The following TRIM5 variants were observed in gnomAD, a reference collection of about 807,000 sequenced individuals.
TRIM5 encodes the protein tripartite motif-containing protein 5.
A neutral mutation model predicts 35.6 loss-of-function variants in TRIM5; 31 were observed. The observed-to-expected ratio is 0.87, with a 90% confidence interval of 0.65 to 1.18. The LOEUF is 1.18. Among genes scored for constraint, TRIM5 ranks in the 50% most tolerant of loss-of-function variants. The pLI, the probability that TRIM5 is intolerant of heterozygous loss-of-function variation, is 0.00. For synonymous variants in TRIM5, 243 were observed against 215.6 expected (o/e 1.13, Z -1.11); for missense variants, 609 against 591.6 (o/e 1.03, Z -0.31).
chr11:5,615,624 C>CG, the TRIM5 span, among the ~76,000 whole-genome samples: 1 of 149,584 alleles, frequency 6.7e-6, no homozygotes, highest in African/African-American at 2.5e-5. Flanking sequence ...GATGGAGTCT[C>CG]GTTCTGTCAT....
rs144528596 is a variant in TRIM5 at position 5,665,640 on chromosome 11, T to A, written c.895+16A>T. ...TAAGCCGCAGGGTGGCTTATGATAA[T>A]GTGACTTCTCCTTACCCCAGTAGCG... On this transcript the variant is annotated intron_variant, in intron 7 of 7. Coordinates refer to ENST00000380034, the MANE Select transcript of TRIM5 (RefSeq NM_033034.3). 5.3e-4 allele frequency: 822 copies of A among 1,563,128 alleles called. 10 individuals are homozygous for A. The East Asian group carries it at 0.016, about 30-fold the overall frequency.
At chr11:5,636,542 A>C in the TRIM5 span, among the ~76,000 whole-genome samples, 1 of 152,198 alleles carries the variant, frequency 6.6e-6, no homozygotes, top group Non-Finnish European at 1.5e-5. Context: ...TAAAAACAAA[A>C]ACAAAAAGGT....
chr11:5,654,259 C>T, the TRIM5 span, among the ~76,000 whole-genome samples: 1 of 152,078 alleles, frequency 6.6e-6, no homozygotes, highest in African/African-American at 2.4e-5. Flanking sequence ...TTGATATCTA[C>T]ACATCTGGTT....
At chr11:5,600,067 A>C in the TRIM5 span, among the ~76,000 whole-genome samples, 1 of 152,198 alleles carries the variant, frequency 6.6e-6, no homozygotes, top group Admixed American at 6.5e-5. Flanking sequence ...ATGATAGGTA[A>C]ATACGTCTGT....
At chr11:5,680,942 A>G (rs530741642) in intron 1 of TRIM5, among the ~76,000 whole-genome samples, 59 of 152,312 alleles carry the variant, frequency 3.9e-4, no homozygotes, top group African/African-American at 1.3e-3. Flanking sequence ...TTGGTTAATC[A>G]ATGACAAATG....
the TRIM5 span, among the ~76,000 whole-genome samples, chr11:5,615,393 A>T: frequency 6.6e-6 from 1 of 151,988 alleles, no homozygotes; most frequent in South Asian, 2.1e-4. Flanking sequence ...ATTCTATGAG[A>T]TTTTGCTTTC....
the TRIM5 span, among the ~76,000 whole-genome samples, chr11:5,651,384 T>G: frequency 1.3e-5 from 2 of 152,178 alleles, no homozygotes; most frequent in African/African-American, 4.8e-5. Context: ...GTTTTTCAAT[T>G]CTTACCCTCC....
chr11:5,635,199 TG>T, the TRIM5 span, among the ~76,000 whole-genome samples: 3 of 151,284 alleles, frequency 2.0e-5, no homozygotes, highest in South Asian at 2.1e-4. Context: ...ATTTAAGAAA[TG>T]TGTTCTATTT....
the TRIM5 span, chr11:5,645,991 A>T: frequency 6.6e-6 from 1 of 151,704 alleles, no homozygotes; most frequent in African/African-American, 2.5e-5. Context: ...CATATGTGTA[A>T]TTTATAATTA....
chr11:5,642,518 C>A, the TRIM5 span: 2 of 1,612,366 alleles, frequency 1.2e-6, no homozygotes, highest in Non-Finnish European at 1.7e-6. Context: ...TGAGGAGAAG[C>A]AGACAAAGAC....
chr11:5,683,232 C>T (rs1852666875), intron 1 of TRIM5, among the ~76,000 whole-genome samples: 1 of 152,192 alleles, frequency 6.6e-6, no homozygotes, highest in Admixed American at 6.5e-5. Flanking sequence ...TGACGAGCAC[C>T]GCCCCCTGCT....
chr11:5,660,878 T>C (rs1273341395), downstream of TRIM5, among the ~76,000 whole-genome samples: 3 of 151,128 alleles, frequency 2.0e-5, no homozygotes, highest in African/African-American at 4.9e-5. Flanking sequence ...CTGACTCTAC[T>C]AAAAATACCA....
At chr11:5,636,963 A>G in the TRIM5 span, among the ~76,000 whole-genome samples, 1,008 of 152,236 alleles carry the variant, frequency 6.6e-3, 20 homozygotes, top group East Asian at 0.033. Flanking sequence ...TGGCTAACAC[A>G]GTGAAACCCC....
Position 5,664,632 on chromosome 11 carries a change from T to A in TRIM5, c.*177A>T. 1 of 1,340,562 alleles carries A rather than the reference T, an allele frequency of 7.5e-7. No homozygotes were observed. The highest frequency in any genetic ancestry group is 9.5e-7 in the Non-Finnish European group (1 of 1,050,646). The allele number at this position is 1,340,562 out of a possible 1,614,324, so 83.0% of individuals were successfully genotyped here. A position where few individuals can be genotyped will look rare whatever the true frequency, so the allele number is the denominator to read the frequency against. Reference sequence around the variant, plus strand: ...TTGCTATCAAATGTCAATAAAATATTGGGGACAATATGGCACAAGGCAATT... The same window carrying A: ...TTGCTATCAAATGTCAATAAAATATAGGGGACAATATGGCACAAGGCAATT... On this transcript the variant is annotated 3_prime_UTR_variant, in exon 8 of 8. Transcript: ENST00000380034.
At chr11:5,602,600 C>A in the TRIM5 span, among the ~76,000 whole-genome samples, 27 of 151,826 alleles carry the variant, frequency 1.8e-4, 1 homozygote, top group Admixed American at 1.6e-3. Flanking sequence ...ATGCAAAAAT[C>A]CTGAGGCAGC....
the TRIM5 span, among the ~76,000 whole-genome samples, chr11:5,647,816 C>T: frequency 2.0e-5 from 3 of 152,170 alleles, no homozygotes; most frequent in East Asian, 1.9e-4. Flanking sequence ...CCACCACGCC[C>T]GGCTGAGACA....
At chr11:5,646,417 A>G in the TRIM5 span, among the ~76,000 whole-genome samples, 1 of 152,164 alleles carries the variant, frequency 6.6e-6, no homozygotes, top group Non-Finnish European at 1.5e-5. Context: ...TGACCACATC[A>G]TCAGCACACA....
At chr11:5,662,332 A>T (rs1038414233), downstream of TRIM5, among the ~76,000 whole-genome samples, 1 of 152,212 alleles carries the variant, frequency 6.6e-6, no homozygotes, top group African/African-American at 2.4e-5. Context: ...GCCAATAGAC[A>T]TAGGGATCCT....
At chr11:5,634,530 C>CACACACACACATATATAT in the TRIM5 span, 99 of 262,010 alleles carry the variant, frequency 3.8e-4, no homozygotes, top group African/African-American at 2.1e-3. Flanking sequence ...CACACACACA[C>CACACACACACATATATAT]ATATATATAT....
Sources: allele counts gnomAD v4.1 joint callset (sites outside exome capture counted in the v4.1 genomes callset), GRCh38; gene constraint gnomAD v4.1.1; transcripts MANE v1.5; gene names NCBI Gene and HGNC (gene_info 2026-07-23, HGNC 2026-07-21).